Variants in KCNN2 observed in about 807,000 individuals in gnomAD.
The protein encoded by KCNN2 is potassium calcium-activated channel subfamily N member 2, also known as small conductance calcium-activated potassium channel protein 2.
Under a neutral mutation model 55.5 loss-of-function variants are expected in KCNN2, and 24 were observed. The observed-to-expected ratio is 0.43, with a 90% CI of 0.31 to 0.61. The LOEUF (loss-of-function observed/expected upper bound fraction) is 0.61, where lower values mean the gene tolerates loss of function less well. KCNN2 is among the 20% of genes least tolerant of loss of function. The pLI is 0.08. For synonymous variants in KCNN2, 431 were observed against 336.1 expected (o/e 1.28, Z -3.09); for missense variants, 754 against 853.6 (o/e 0.88, Z 1.45).
chr5:114,424,538 A>C (rs2150083039), intron 3 of KCNN2, among the ~76,000 whole-genome samples: 1 of 152,328 alleles, frequency 6.6e-6, no homozygotes, highest in South Asian at 2.1e-4. Context: ...AGCAGGCCTA[A>C]AGTGTTTTAG....
intron 2 of KCNN2, among the ~76,000 whole-genome samples, chr5:114,330,272 G>T (rs1756791621): frequency 6.6e-6 from 1 of 152,136 alleles, no homozygotes; most frequent in Non-Finnish European, 1.5e-5. Context: ...CCTGGGATGA[G>T]ATCTGTCCTC....
At chr5:114,079,329 A>C (rs977112066) in intron 1 of KCNN2, among the ~76,000 whole-genome samples, 7 of 152,222 alleles carry the variant, frequency 4.6e-5, no homozygotes, top group Non-Finnish European at 2.9e-5. Flanking sequence ...CAACAAATAT[A>C]ATATAGCATT....
chr5:114,482,040 TTAAAC>T (rs1481985276), intron 5 of KCNN2, among the ~76,000 whole-genome samples: 23 of 152,258 alleles, frequency 1.5e-4, no homozygotes, highest in African/African-American at 4.8e-4. Flanking sequence ...TGGGATCTAA[TTAAAC>T]TAAAGAGTTT....
chr5:114,439,518 A>G (rs1760133092), intron 3 of KCNN2, among the ~76,000 whole-genome samples: 1 of 152,124 alleles, frequency 6.6e-6, no homozygotes, highest in African/African-American at 2.4e-5. Context: ...TAGGAGCCAT[A>G]AAAATATATA....
chr5:114,288,472 T>G (rs953278033), intron 2 of KCNN2, among the ~76,000 whole-genome samples: 2 of 147,992 alleles, frequency 1.4e-5, no homozygotes, highest in Non-Finnish European at 3.0e-5. Context: ...TGTCTTGACA[T>G]CTTTGCCATT....
chr5:114,204,003 C>T lies in KCNN2; in HGVS notation c.-270-17477C>T, dbSNP rs1413001632. ...TTCATTTCAAGCTTAAAAGCTCAGC[C>T]ATATTACTCTAGTGCCTACCAAACT... On this transcript the variant is annotated intron_variant, in intron 1 of 10. Transcript: ENST00000512097. Among the ~76,000 whole-genome samples the T allele has an allele frequency of 2.0e-5, 3 of 152,152 alleles. No individual in the cohort carries two copies. In the East Asian group the frequency reaches 5.8e-4, roughly 29 times the overall value.
chr5:114,334,250 C>T (rs1213517144), intron 2 of KCNN2, among the ~76,000 whole-genome samples: 3 of 147,888 alleles, frequency 2.0e-5, no homozygotes, highest in African/African-American at 5.0e-5. Context: ...GAATCTACTC[C>T]ATATGCCTGA....
At chr5:114,273,632 T>G (rs1329754548) in intron 2 of KCNN2, among the ~76,000 whole-genome samples, 1 of 152,270 alleles carries the variant, frequency 6.6e-6, no homozygotes, top group Non-Finnish European at 1.5e-5. Context: ...TCATGTCTGT[T>G]GGCTGCACAG....
chr5:114,235,113 G>A (rs115221446), intron 2 of KCNN2, among the ~76,000 whole-genome samples: 4,536 of 152,222 alleles, frequency 0.03, 232 homozygotes, highest in African/African-American at 0.1. Context: ...TCATTTCAAA[G>A]TCACCTCTCT....
chr5:114,307,125 G>A (rs1325529405), intron 2 of KCNN2, among the ~76,000 whole-genome samples: 2 of 152,070 alleles, frequency 1.3e-5, no homozygotes, highest in African/African-American at 4.8e-5. Context: ...ATCTGTAAGT[G>A]GCTTTAGGTG....
At position 114,363,975 on chromosome 5, in the gene KCNN2, A is replaced by G. The variant is rs751368421; in HGVS notation, c.1192A>G (p.Ile398Val). Residue 398 changes from isoleucine to valine, a missense_variant, in exon 2 of 8, where the codon ATC becomes GTC. Physicochemically the swap from Ile to Val is conservative, Grantham distance 29. Around this residue, in one of 4 missense-constraint regions of KCNN2, gnomAD observed 123 missense variants for 204.9 expected, o/e 0.60. Transcript: ENST00000673685. ...LSTIILLGLIIVYHAREIQLF... is the reference protein window; with the variant it reads ...LSTIILLGLIVVYHAREIQLF... ...CACGATCATCCTGCTCGGTCTGATC[A>G]TCGTGTACCACGCCAGGGAAATACA... 4.3e-6 allele frequency: 7 copies of G among 1,614,030 alleles called. No homozygotes were observed. The South Asian group carries it at 6.6e-5, about 15-fold the overall frequency.
intron 1 of KCNN2, among the ~76,000 whole-genome samples, chr5:114,076,292 G>A (rs1356859458): frequency 6.6e-6 from 1 of 152,198 alleles, no homozygotes. Flanking sequence ...TACTAGAGAT[G>A]ACAGCCTTCT....
At chr5:114,417,629 G>T (rs530767062) in intron 3 of KCNN2, among the ~76,000 whole-genome samples, 1 of 152,180 alleles carries the variant, frequency 6.6e-6, no homozygotes, top group Non-Finnish European at 1.5e-5. Flanking sequence ...TGGTAAAAGG[G>T]ATGAAGGTGC....
At chr5:114,223,564 A>G (rs1437427959) in intron 2 of KCNN2, among the ~76,000 whole-genome samples, 4 of 152,266 alleles carry the variant, frequency 2.6e-5, no homozygotes, top group African/African-American at 9.6e-5. Flanking sequence ...AGGGAAGTGT[A>G]TTTTTCAGAG....
At chr5:114,076,005 T>C (rs1750678792) in intron 1 of KCNN2, among the ~76,000 whole-genome samples, 1 of 152,366 alleles carries the variant, frequency 6.6e-6, no homozygotes, top group African/African-American at 2.4e-5. Flanking sequence ...AAGTGTGTGT[T>C]CACTAGATTT....
intron 2 of KCNN2, among the ~76,000 whole-genome samples, chr5:114,283,534 T>G (rs926129648): frequency 6.6e-6 from 1 of 152,188 alleles, no homozygotes. Flanking sequence ...TGTTTCTGTT[T>G]CTATTGACAA....
At chr5:114,435,431 G>T (rs144997693) in intron 3 of KCNN2, among the ~76,000 whole-genome samples, 1 of 151,956 alleles carries the variant, frequency 6.6e-6, no homozygotes, top group Admixed American at 6.6e-5. Context: ...GGATAGGAAC[G>T]ATGAGTCTCA....
chr5:114,475,546 T>C (rs1159018166), intron 5 of KCNN2, among the ~76,000 whole-genome samples: 1 of 152,182 alleles, frequency 6.6e-6, no homozygotes. Context: ...ATATAAAAAA[T>C]ATACTGTATA....
intron 1 of KCNN2, among the ~76,000 whole-genome samples, chr5:114,209,130 C>T (rs965171477): frequency 7.9e-5 from 12 of 151,708 alleles, no homozygotes; most frequent in African/African-American, 2.7e-4. Flanking sequence ...AATCCTGGCT[C>T]ACTGCAGCCT....
Sources: gnomAD v4.1 joint callset for allele counts (sites outside exome capture counted in the v4.1 genomes callset) on GRCh38, gnomAD v4.1.1 for gene constraint, gnomAD v4.1.1 regional missense constraint, MANE v1.5 for transcripts, NCBI Gene and HGNC (gene_info 2026-07-23, HGNC 2026-07-21) for gene names.